Variants in FIGN observed in about 807,000 individuals in gnomAD.
FIGN encodes the protein fidgetin.
A neutral mutation model predicts 51.3 loss-of-function variants in FIGN; 11 were observed. The observed-to-expected ratio is 0.21, with a 90% CI of 0.13 to 0.35. FIGN has a LOEUF of 0.35. Among genes scored for constraint, FIGN ranks in the 10% least tolerant of loss-of-function variants. The pLI, the probability that FIGN is intolerant of heterozygous loss-of-function variation, is 1.00. For synonymous variants in FIGN, 407 were observed against 363.2 expected (o/e 1.12, Z -1.37); for missense variants, 857 against 943.6 (o/e 0.91, Z 1.20).
intron 2 of FIGN, among the ~76,000 whole-genome samples, chr2:163,729,043 T>C (rs1684886290): frequency 6.6e-6 from 1 of 152,166 alleles, no homozygotes; most frequent in Non-Finnish European, 1.5e-5. Context: ...TTTCCAAGAA[T>C]AATATTTCAT....
intron 2 of FIGN, among the ~76,000 whole-genome samples, chr2:163,635,787 C>A (rs781752083): frequency 1.8e-4 from 27 of 151,926 alleles, no homozygotes; most frequent in Non-Finnish European, 3.2e-4. Context: ...ACCATGGTAA[C>A]TTTGATGGGT....
At chr2:163,687,741 C>T (rs919963232) in intron 2 of FIGN, among the ~76,000 whole-genome samples, 3 of 152,148 alleles carry the variant, frequency 2.0e-5, no homozygotes, top group African/African-American at 7.2e-5. Flanking sequence ...ATTTTTTATC[C>T]TAATGCTAAT....
intron 2 of FIGN, among the ~76,000 whole-genome samples, chr2:163,630,746 T>C (rs953380819): frequency 6.6e-6 from 1 of 152,044 alleles, no homozygotes; most frequent in Non-Finnish European, 1.5e-5. Context: ...CAGGAAGACA[T>C]AGCTTTTGAA....
At chr2:163,675,706 CTTTTT>C (rs900840520) in intron 2 of FIGN, among the ~76,000 whole-genome samples, 6 of 100,494 alleles carry the variant, frequency 6.0e-5, no homozygotes, top group Non-Finnish European at 1.2e-4. Context: ...TTCTTTCTTT[CTTTTT>C]TTTTTTTTTT....
chr2:163,604,936 CTTTTTTTTT>C lies in FIGN; in HGVS notation c.*4607_*4615del, dbSNP rs71410075. On this transcript the variant is annotated 3_prime_UTR_variant, in exon 3 of 3. Coordinates refer to ENST00000333129, the MANE Select transcript of FIGN (RefSeq NM_018086.4). ...TTTTAAGCCCAGAAATAAACTTTTG[CTTTTTTTTT>C]TTTTTTTTTTGTATCATAAGACAAC... is the stretch of plus-strand genomic sequence containing the variant. 1 of 94,258 alleles carries C rather than the reference CTTTTTTTTT, an allele frequency of 1.1e-5. No homozygotes were observed. Among genetic ancestry groups the C allele is most frequent in the Non-Finnish European group, 1.9e-5 (1 of 53,126 alleles). The allele number at this position is 94,258 out of a possible 1,614,324, so 5.8% of individuals were successfully genotyped here. A position where few individuals can be genotyped will look rare whatever the true frequency, so the allele number is the denominator to read the frequency against.
At chr2:163,625,254 A>G (rs1213449648) in intron 2 of FIGN, among the ~76,000 whole-genome samples, 1 of 152,042 alleles carries the variant, frequency 6.6e-6, no homozygotes, top group African/African-American at 2.4e-5. Context: ...ATATAAATAT[A>G]TTCTTATCAT....
chr2:163,663,604 C>T (rs182401900), intron 2 of FIGN, among the ~76,000 whole-genome samples: 4 of 151,422 alleles, frequency 2.6e-5, no homozygotes, highest in East Asian at 4.1e-4. Flanking sequence ...GATAGTCTGC[C>T]GGGCACGGTG....
chr2:163,621,296 C>T (rs995198737), intron 2 of FIGN, among the ~76,000 whole-genome samples: 17 of 152,154 alleles, frequency 1.1e-4, no homozygotes, highest in South Asian at 2.1e-4. Context: ...TTTGGCAATT[C>T]GTGCATTAAT....
chr2:163,609,760 A>T lies in FIGN; in HGVS notation c.2072T>A (p.Leu691Gln). Reference protein sequence around the residue: ...LVQRTEGFSGLDVAHLCQEAV... With the variant: ...LVQRTEGFSGQDVAHLCQEAV... ...TTCCTGACACAAATGAGCCACATCT[A>T]GTCCAGAAAAGCCTTCTGTGCGCTG... Residue 691 changes from leucine (L) to glutamine (Q), a missense_variant, in exon 3 of 3, where the codon CTA becomes CAA. Leu to Gln is a moderately radical substitution (Grantham distance 113, BLOSUM62 -2). Coordinates refer to ENST00000333129, the MANE Select transcript of FIGN (RefSeq NM_018086.4). The T allele has an allele frequency of 6.8e-6, 11 of 1,614,156 alleles. No homozygotes were observed. Among genetic ancestry groups the T allele is most frequent in the Non-Finnish European group, 7.6e-6 (9 of 1,180,020 alleles).
Position 163,611,013 on chromosome 2 carries a change from C to A in FIGN, c.819G>T (p.Ala273=). 1 of 1,613,786 alleles carries A rather than the reference C, an allele frequency of 6.2e-7. No individual in the cohort carries two copies. The highest frequency in any genetic ancestry group is 8.5e-7 in the Non-Finnish European group (1 of 1,179,998). The change falls in exon 3 of 3, where the codon GCG becomes GCT. Residue 273 remains alanine, a synonymous_variant. Coordinates refer to ENST00000333129, the MANE Select transcript of FIGN (RefSeq NM_018086.4). The part of the protein sequence containing the change: ...SPGGAPPPPS[A]YLPSGIPAPT... Reference sequence around the variant, plus strand: ...GAGCAGGAATTCCTGAAGGCAGGTACGCTGAAGGCGGAGGCGGTGCCCCCC... The same window carrying A: ...GAGCAGGAATTCCTGAAGGCAGGTAAGCTGAAGGCGGAGGCGGTGCCCCCC...
At chr2:163,623,940 GC>G (rs2105306876) in intron 2 of FIGN, among the ~76,000 whole-genome samples, 1 of 152,134 alleles carries the variant, frequency 6.6e-6, no homozygotes, top group East Asian at 1.9e-4. Flanking sequence ...CCTGGCCATA[GC>G]TTCCAGAAGC....
At chr2:163,647,701 T>C (rs1213879753) in intron 2 of FIGN, among the ~76,000 whole-genome samples, 1 of 152,234 alleles carries the variant, frequency 6.6e-6, no homozygotes, top group African/African-American at 2.4e-5. Context: ...AAACTATTCA[T>C]ACAAATGTAC....
rs368261519 is a variant in FIGN, at chr2:163,611,951, T to C, written c.26-145A>G. On this transcript the variant is annotated intron_variant, in intron 2 of 2. Coordinates refer to ENST00000333129, the MANE Select transcript of FIGN (RefSeq NM_018086.4). Reference sequence around the variant, plus strand: ...AGATCTACACTGTTTATAATACCTATTATGATCCCTATAATAAGTACTCTT... The same window carrying C: ...AGATCTACACTGTTTATAATACCTACTATGATCCCTATAATAAGTACTCTT... 452 of 643,516 alleles carry C rather than the reference T, an allele frequency of 7.0e-4. 1 individual carries two copies. The African/African-American group carries it at 7.9e-3, about 11-fold the overall frequency. The allele number at this position is 643,516 out of a possible 1,614,324, so 39.9% of individuals were successfully genotyped here.
intron 2 of FIGN, among the ~76,000 whole-genome samples, chr2:163,614,132 G>A (rs1353076579): frequency 6.6e-6 from 1 of 152,148 alleles, no homozygotes; most frequent in Non-Finnish European, 1.5e-5. Flanking sequence ...GAGAAACTCT[G>A]AGGATGAGTT....
In FIGN at chr2:163,645,965, T is replaced by C. The variant is rs1440506418; in HGVS notation, c.26-34159A>G. Among the ~76,000 whole-genome samples the C allele has an allele frequency of 2.0e-5, 3 of 152,222 alleles. No homozygotes were observed. In the East Asian group the frequency reaches 5.8e-4, roughly 29 times the overall value. On this transcript the variant is annotated intron_variant, in intron 2 of 2. Transcript: ENST00000333129. Reference sequence around the variant, plus strand: ...GTAAATCCAGAACCTGGACTATATTTGCATATTTAAATTGATCACTGTCAT... The same window carrying C: ...GTAAATCCAGAACCTGGACTATATTCGCATATTTAAATTGATCACTGTCAT...
chr2:163,684,085 TAAATGCTATAC>T (rs1684108006), intron 2 of FIGN, among the ~76,000 whole-genome samples: 1 of 152,156 alleles, frequency 6.6e-6, no homozygotes, highest in African/African-American at 2.4e-5. Context: ...AGTTTATGTG[TAAATGCTATAC>T]TTCAAGAGTT....
chr2:163,674,126 T>C (rs1683921226), intron 2 of FIGN, among the ~76,000 whole-genome samples: 1 of 152,180 alleles, frequency 6.6e-6, no homozygotes, highest in Non-Finnish European at 1.5e-5. Flanking sequence ...CTCCCTTACA[T>C]GATACTATAC....
intron 2 of FIGN, among the ~76,000 whole-genome samples, chr2:163,654,102 GA>G (rs1683521217): frequency 6.6e-6 from 1 of 151,982 alleles, no homozygotes; most frequent in Admixed American, 6.6e-5. Context: ...GGATTTGGAG[GA>G]AGATGGAAAA....
chr2:163,660,880 T>TATA (rs1491524841), intron 2 of FIGN, among the ~76,000 whole-genome samples: 17 of 980 alleles, frequency 0.017, 5 homozygotes, highest in Non-Finnish European at 0.038. Context: ...TATATATATA[T>TATA]TTTTTTTTTT....
Sources: gnomAD v4.1 joint callset for allele counts (sites outside exome capture counted in the v4.1 genomes callset) on GRCh38, gnomAD v4.1.1 for gene constraint, MANE v1.5 for transcripts, NCBI Gene and HGNC (gene_info 2026-07-23, HGNC 2026-07-21) for gene names.